PDE10A: variants seen among roughly 807,000 people sequenced by gnomAD.
PDE10A encodes phosphodiesterase 10A.
PDE10A carries 39 observed loss-of-function variants against 97.7 expected under a neutral mutation model. The ratio of observed to expected loss-of-function variants is 0.40; its 90% confidence interval spans 0.31 to 0.52. PDE10A has a LOEUF of 0.52. Ranked by LOEUF, PDE10A falls within the 20% of genes least tolerant of loss-of-function variation. The pLI, the probability that PDE10A is intolerant of heterozygous loss-of-function variation, is 0.56. For missense variants in PDE10A, 731 were observed against 1,047.8 expected (o/e 0.70, Z 4.17); for synonymous variants, 371 against 376.8 (o/e 0.98, Z 0.18).
Position 165,558,675 on chromosome 6 carries a change from G to A in PDE10A, c.866-15107C>T, listed in dbSNP as rs562194965. Among the ~76,000 whole-genome samples, 21 of 152,114 alleles carry A rather than the reference G, an allele frequency of 1.4e-4. No homozygotes were observed. In the South Asian group the frequency reaches 4.4e-3, roughly 32 times the overall value. On this transcript the variant is annotated intron_variant, in intron 1 of 21. Transcript: ENST00000539869. ...ACATTACTATTTATATTTCCCCAATGCAATGTAATTCATTTAAAAATACTG... is the reference window on the plus strand; with the variant it reads ...ACATTACTATTTATATTTCCCCAATACAATGTAATTCATTTAAAAATACTG...
chr6:165,378,756 T>A (rs1784765246), intron 18 of PDE10A, among the ~76,000 whole-genome samples: 1 of 152,172 alleles, frequency 6.6e-6, no homozygotes, highest in Non-Finnish European at 1.5e-5. Flanking sequence ...CAATTACAGA[T>A]CAATAAAAGG....
At chr6:165,863,859 G>T (rs904711311) in intron 1 of PDE10A, among the ~76,000 whole-genome samples, 2 of 152,176 alleles carry the variant, frequency 1.3e-5, no homozygotes, top group Non-Finnish European at 2.9e-5. Context: ...CTTGAAATGT[G>T]CATGAATAGG....
At chr6:165,454,009 T>C (rs189518109) in intron 3 of PDE10A, among the ~76,000 whole-genome samples, 1 of 152,352 alleles carries the variant, frequency 6.6e-6, no homozygotes, top group African/African-American at 2.4e-5. Flanking sequence ...CCAACTCCAG[T>C]GTGCCCAGAA....
intron 1 of PDE10A, among the ~76,000 whole-genome samples, chr6:165,621,647 T>C (rs2128409429): frequency 6.6e-6 from 1 of 152,106 alleles, no homozygotes; most frequent in East Asian, 1.9e-4. Flanking sequence ...TCCCAGCTAC[T>C]TGGGAGGCTG....
chr6:165,458,088 A>C (rs1297608379), intron 3 of PDE10A, among the ~76,000 whole-genome samples: 1 of 152,228 alleles, frequency 6.6e-6, no homozygotes, highest in African/African-American at 2.4e-5. Flanking sequence ...TATAAACTTC[A>C]ATATTGGAAA....
At chr6:165,430,255 A>T in intron 9 of PDE10A, 32 bp downstream of exon 9, 3 of 1,500,292 alleles carry the variant, frequency 2.0e-6, no homozygotes, top group Non-Finnish European at 2.8e-6. Flanking sequence ...ATTGATTAAT[A>T]AGAGCTACTA....
chr6:165,800,831 A>G (rs1778964714), intron 1 of PDE10A, among the ~76,000 whole-genome samples: 1 of 152,226 alleles, frequency 6.6e-6, no homozygotes, highest in Non-Finnish European at 1.5e-5. Flanking sequence ...AAATCCATTT[A>G]GAGGGCAGCG....
intron 1 of PDE10A, among the ~76,000 whole-genome samples, chr6:165,901,170 C>T (rs970843351): frequency 2.0e-5 from 3 of 152,204 alleles, no homozygotes; most frequent in African/African-American, 7.2e-5. Context: ...CTATCAGGAC[C>T]TGGCCCTGTT....
intron 16 of PDE10A, among the ~76,000 whole-genome samples, chr6:165,390,422 T>C (rs144734056): frequency 6.6e-6 from 1 of 152,174 alleles, no homozygotes; most frequent in Non-Finnish European, 1.5e-5. Flanking sequence ...TGGGGTTTAC[T>C]GCAAAGAAGA....
intron 1 of PDE10A, among the ~76,000 whole-genome samples, chr6:165,695,229 A>G (rs1791414021): frequency 6.6e-6 from 1 of 151,876 alleles, no homozygotes; most frequent in South Asian, 2.1e-4. Context: ...AAAAAGAAAG[A>G]AAAGCAAAAA....
rs1788066014 is a variant in PDE10A, at chr6:165,413,562, G to C, written c.2015C>G (p.Thr672Arg). ...NKISGSAFSK[T>R]DENNFKMFAV... Reference sequence around the variant, plus strand: ...AAACATTTTGAAGTTGTTTTCATCTGTTTTAGAGAAGGCACTGCCACTGAT... The same window carrying C: ...AAACATTTTGAAGTTGTTTTCATCTCTTTTAGAGAAGGCACTGCCACTGAT... Residue 672 changes from threonine to arginine, a missense_variant, in exon 13 of 22, where the codon ACA (threonine) becomes AGA (arginine). Coordinates refer to ENST00000539869, the MANE Select transcript of PDE10A (RefSeq NM_001385079.1). 1 of 1,614,010 alleles carries C rather than the reference G, an allele frequency of 6.2e-7. No individual in the cohort carries two copies. Among genetic ancestry groups the C allele is most frequent in the African/African-American group, 1.3e-5 (1 of 74,930 alleles).
intron 7 of PDE10A, 33 bp from the exon 8 acceptor site, chr6:165,431,505 A>G (rs1382598804): frequency 1.7e-5 from 21 of 1,217,682 alleles, no homozygotes; most frequent in Non-Finnish European, 2.4e-5. Context: ...ACCTATAAGT[A>G]ATAATACATA....
chr6:165,389,910 A>T (rs1292961448), intron 16 of PDE10A, among the ~76,000 whole-genome samples: 1 of 152,220 alleles, frequency 6.6e-6, no homozygotes, highest in African/African-American at 2.4e-5. Context: ...AGAACTCTAT[A>T]GGTTAAATCC....
chr6:165,911,975 G>A (rs943342599), intron 1 of PDE10A, among the ~76,000 whole-genome samples: 3 of 151,688 alleles, frequency 2.0e-5, no homozygotes, highest in Non-Finnish European at 4.4e-5. Context: ...CTATAGAGAG[G>A]GAAGTCTAAA....
At chr6:165,378,522 A>G (rs1419287698) in intron 18 of PDE10A, among the ~76,000 whole-genome samples, 1 of 152,184 alleles carries the variant, frequency 6.6e-6, no homozygotes, top group Admixed American at 6.5e-5. Flanking sequence ...ATGGGTGAAC[A>G]GGTTCATAAA....
intron 10 of PDE10A, among the ~76,000 whole-genome samples, chr6:165,421,511 G>A (rs1043672812): frequency 2.6e-5 from 4 of 152,060 alleles, no homozygotes; most frequent in African/African-American, 7.2e-5. Context: ...TGGAATAAAA[G>A]AATATATAGA....
chr6:165,567,983 C>T (rs11759742), intron 1 of PDE10A, among the ~76,000 whole-genome samples: 3,467 of 145,788 alleles, frequency 0.024, 72 homozygotes, highest in Non-Finnish European at 0.038. Flanking sequence ...ACAATAGGTA[C>T]GCAACAAGGC....
At chr6:165,494,456 G>T (rs987771146) in intron 2 of PDE10A, among the ~76,000 whole-genome samples, 2 of 102,626 alleles carry the variant, frequency 1.9e-5, no homozygotes, top group African/African-American at 1.4e-4. Context: ...AAGAAAATGT[G>T]GGGGGGGGTG....
chr6:165,687,097 T>C (rs1791142131), intron 1 of PDE10A, among the ~76,000 whole-genome samples: 1 of 152,234 alleles, frequency 6.6e-6, no homozygotes, highest in South Asian at 2.1e-4. Context: ...ACTGAGAGCA[T>C]GGCTGCTTCC....
Sources: allele counts gnomAD v4.1 joint callset (sites outside exome capture counted in the v4.1 genomes callset), GRCh38; gene constraint gnomAD v4.1.1; transcripts MANE v1.5; gene names NCBI Gene and HGNC (gene_info 2026-07-23, HGNC 2026-07-21).